SLC4A8: variants seen among roughly 807,000 people sequenced by gnomAD.
The protein encoded by SLC4A8 is electroneutral sodium bicarbonate exchanger 1.
A neutral mutation model predicts 125.0 loss-of-function variants in SLC4A8; 40 were observed. The ratio of observed to expected loss-of-function variants is 0.32; its 90% CI spans 0.25 to 0.42. The LOEUF (loss-of-function observed/expected upper bound fraction) is 0.42. Among genes scored for constraint, SLC4A8 ranks in the 10% least tolerant of loss-of-function variants. The pLI is 1.00. For synonymous variants in SLC4A8, 456 were observed against 476.0 expected (o/e 0.96, Z 0.55); for missense variants, 863 against 1,355.1 (o/e 0.64, Z 5.70).
At chr12:51,408,459 A>C (rs1028946549) in intron 1 of SLC4A8, among the ~76,000 whole-genome samples, 9 of 151,718 alleles carry the variant, frequency 5.9e-5, no homozygotes, top group African/African-American at 1.9e-4. Context: ...CTGGTCTCGA[A>C]CTCCAGACCT....
chr12:51,446,690 A>G lies in SLC4A8; in HGVS notation c.131-4186A>G, dbSNP rs1949781786. Among the ~76,000 whole-genome samples the G allele has an allele frequency of 2.0e-5, 3 of 152,250 alleles. No homozygotes were observed. The South Asian group carries it at 6.2e-4, about 31-fold the overall frequency. On this transcript the variant is annotated intron_variant, in intron 2 of 24. Coordinates refer to ENST00000453097, the MANE Select transcript of SLC4A8 (RefSeq NM_001039960.3). ...GGTGAGTACTTTATTTGTCCTAAAC[A>G]CATTCACTTTGGTTACATGTTCTTT...
chr12:51,409,964 G>C (rs147112327), intron 1 of SLC4A8, among the ~76,000 whole-genome samples: 2 of 152,198 alleles, frequency 1.3e-5, no homozygotes, highest in South Asian at 4.1e-4. Context: ...TGCATGTCTC[G>C]TTCCGATGGC....
rs77547416 is a variant in SLC4A8 at position 51,512,457 on chromosome 12, T to C, written c.*5019T>C. On this transcript the variant is annotated 3_prime_UTR_variant, in exon 25 of 25. Coordinates refer to ENST00000453097, the MANE Select transcript of SLC4A8 (RefSeq NM_001039960.3). ...AATAGCCAGCCTCATTTCTGCTTCA[T>C]CTCTGTGGTAGGAACCATTCCCTAC... 6.6e-6 allele frequency: 1 copy of C among 152,318 alleles called. No individual in the cohort carries two copies. The highest frequency in any genetic ancestry group is 1.9e-4 in the East Asian group (1 of 5,190). 9.4% of individuals were successfully genotyped at this position (152,318 alleles called of 1,614,324 possible).
intron 1 of SLC4A8, among the ~76,000 whole-genome samples, chr12:51,418,616 T>C (rs1948729615): frequency 6.6e-6 from 1 of 152,228 alleles, no homozygotes; most frequent in Admixed American, 6.5e-5. Flanking sequence ...TAAAGAACTC[T>C]GCCTTCTTTA....
chr12:51,492,409 C>A (rs1165232530), intron 19 of SLC4A8, among the ~76,000 whole-genome samples: 1 of 152,172 alleles, frequency 6.6e-6, no homozygotes, highest in African/African-American at 2.4e-5. Flanking sequence ...TCTCCTGACA[C>A]CCCTTTCCCA....
At chr12:51,401,973 G>A (rs1169491105) in intron 1 of SLC4A8, among the ~76,000 whole-genome samples, 2 of 151,556 alleles carry the variant, frequency 1.3e-5, no homozygotes, top group Non-Finnish European at 2.9e-5. Context: ...TCCCTATGTT[G>A]CCCAGGCTGG....
chr12:51,424,063 C>CAA (rs199851698), upstream of SLC4A8, among the ~76,000 whole-genome samples: 2 of 107,056 alleles, frequency 1.9e-5, 1 homozygote, highest in Non-Finnish European at 3.6e-5. Flanking sequence ...ACAAAAAAAA[C>CAA]AACAAAAAAA....
intron 5 of SLC4A8, 36 bp from the exon 6 acceptor site, chr12:51,457,315 T>G: frequency 3.1e-6 from 5 of 1,594,842 alleles, no homozygotes; most frequent in Non-Finnish European, 4.3e-6. Flanking sequence ...TCATTAACCC[T>G]CAATCTGAGT....
intron 1 of SLC4A8, among the ~76,000 whole-genome samples, chr12:51,432,808 CACTT>C (rs1421907504): frequency 2.0e-5 from 3 of 152,120 alleles, no homozygotes; most frequent in African/African-American, 7.2e-5. Flanking sequence ...ACTCAATAAA[CACTT>C]GACTTTTTTG....
Position 51,515,382 on chromosome 12 carries a change from G to A in SLC4A8, c.*7944G>A, listed in dbSNP as rs1938496911. The A allele has an allele frequency of 6.6e-6, 1 of 152,190 alleles. No homozygotes were observed. The highest frequency in any genetic ancestry group is 1.5e-5 in the Non-Finnish European group (1 of 68,044). 9.4% of individuals were successfully genotyped at this position (152,190 alleles called of 1,614,324 possible). A position where few individuals can be genotyped will look rare whatever the true frequency, so the allele number is the denominator to read the frequency against. On this transcript the variant is annotated 3_prime_UTR_variant, in exon 25 of 25. Coordinates refer to ENST00000453097, the MANE Select transcript of SLC4A8 (RefSeq NM_001039960.3). Reference sequence around the variant, plus strand: ...AGCTAATGGTGTCAGGTGGAGAACAGAGCAACCTTCCCTCGGAAGGAGACA... The same window carrying A: ...AGCTAATGGTGTCAGGTGGAGAACAAAGCAACCTTCCCTCGGAAGGAGACA...
At chr12:51,482,061 A>T (rs562350936) in intron 16 of SLC4A8, among the ~76,000 whole-genome samples, 51 of 152,330 alleles carry the variant, frequency 3.3e-4, no homozygotes, top group Admixed American at 6.5e-4. Context: ...ACTCTGAAAG[A>T]GTTTGCATAA....
At chr12:51,391,449 G>A (rs2137880384) in exon 1 of SLC4A8, 1 of 155,918 alleles carries the variant, frequency 6.4e-6, no homozygotes, top group Non-Finnish European at 1.4e-5. Flanking sequence ...CGGGGGTAGT[G>A]AGGAGGAAGA....
intron 17 of SLC4A8, among the ~76,000 whole-genome samples, chr12:51,487,651 T>G (rs1951196529): frequency 6.6e-6 from 1 of 152,108 alleles, no homozygotes; most frequent in South Asian, 2.1e-4. Flanking sequence ...CTAGGTGAGT[T>G]TAGATATGTT....
At chr12:51,411,130 A>G (rs1040942278) in intron 1 of SLC4A8, among the ~76,000 whole-genome samples, 1 of 150,120 alleles carries the variant, frequency 6.7e-6, no homozygotes, top group Non-Finnish European at 1.5e-5. Context: ...TTTTTTATCA[A>G]TGGAGGTTAT....
chr12:51,424,066 C>CAAAAAAAAAAAACAA (rs60139804), upstream of SLC4A8, among the ~76,000 whole-genome samples: 5 of 106,234 alleles, frequency 4.7e-5, no homozygotes, highest in African/African-American at 1.1e-4. Flanking sequence ...AAAAAAACAA[C>CAAAAAAAAAAAACAA]AAAAAAAAAA....
At chr12:51,441,649 C>G (rs1352433052) in intron 2 of SLC4A8, among the ~76,000 whole-genome samples, 1 of 152,188 alleles carries the variant, frequency 6.6e-6, no homozygotes, top group Non-Finnish European at 1.5e-5. Flanking sequence ...CTGCAGCATC[C>G]CCTGCAATGT....
In SLC4A8 at chr12:51,497,070, T is replaced by G; in HGVS notation, c.3027T>G (p.Pro1009=). The change falls in exon 22 of 25, where the codon CCT becomes CCG. Residue 1009 remains proline, a synonymous_variant. Transcript: ENST00000453097. ...RELSWLDDLM[P]ESKKKKLDDA... Reference sequence around the variant, plus strand: ...TGAGCTGGCTAGATGATCTCATGCCTGAAAGCAAAAAGAAGAAGTTGGATG... The same window carrying G: ...TGAGCTGGCTAGATGATCTCATGCCGGAAAGCAAAAAGAAGAAGTTGGATG... 6.2e-7 allele frequency: 1 copy of G among 1,613,640 alleles called. No individual in the cohort carries two copies. Among genetic ancestry groups the G allele is most frequent in the Non-Finnish European group, 8.5e-7 (1 of 1,179,894 alleles).
At chr12:51,480,557 C>A (rs1951000062) in intron 16 of SLC4A8, 1 of 987,470 alleles carries the variant, frequency 1.0e-6, no homozygotes, top group South Asian at 4.6e-5. Context: ...CCGTAAATAT[C>A]TTTTGATTTC....
intron 1 of SLC4A8, among the ~76,000 whole-genome samples, chr12:51,412,673 A>G (rs917820634): frequency 6.6e-6 from 1 of 152,232 alleles, no homozygotes; most frequent in African/African-American, 2.4e-5. Flanking sequence ...AAGTGAGAAC[A>G]TGTGATGTTT....
Sources: gnomAD v4.1 joint callset for allele counts (sites outside exome capture counted in the v4.1 genomes callset) on GRCh38, gnomAD v4.1.1 for gene constraint, MANE v1.5 for transcripts, NCBI Gene and HGNC (gene_info 2026-07-23, HGNC 2026-07-21) for gene names.